The following PRTG variants were observed in gnomAD, a reference collection of about 807,000 sequenced individuals.
PRTG encodes immunoglobulin superfamily, DCC subclass, member 5.
In PRTG, 67 loss-of-function variants were observed where a neutral mutation model predicts 122.5. The observed-to-expected ratio is 0.55, with a 90% CI of 0.45 to 0.67. The LOEUF is 0.67. PRTG is among the 30% of genes least tolerant of loss of function. The pLI, the probability that PRTG is intolerant of heterozygous loss-of-function variation, is 0.00. For missense variants in PRTG, 1,435 were observed against 1,415.4 expected, an observed-to-expected ratio of 1.01 and a Z score of -0.22; for synonymous variants, 554 against 501.1, an observed-to-expected ratio of 1.11 and a Z score of -1.41.
intron 2 of PRTG, among the ~76,000 whole-genome samples, chr15:55,731,438 T>C (rs1182291407): frequency 2.0e-5 from 3 of 148,186 alleles, no homozygotes; most frequent in Non-Finnish European, 3.0e-5. Context: ...CGGCATGCTC[T>C]CGGCTCACTG....
chr15:55,634,452 A>G (rs1434444653), intron 15 of PRTG, among the ~76,000 whole-genome samples: 1 of 152,204 alleles, frequency 6.6e-6, no homozygotes, highest in Non-Finnish European at 1.5e-5. Context: ...ATTAATACTT[A>G]CAACACCTCA....
intron 2 of PRTG, among the ~76,000 whole-genome samples, chr15:55,697,038 A>G (rs1463915942): frequency 6.6e-6 from 1 of 152,198 alleles, no homozygotes; most frequent in Non-Finnish European, 1.5e-5. Context: ...ATAATACCTG[A>G]GAATTTGTTG....
chr15:55,714,995 T>G (rs182931561), intron 2 of PRTG, among the ~76,000 whole-genome samples: 165 of 152,290 alleles, frequency 1.1e-3, no homozygotes, highest in Non-Finnish European at 1.9e-3. Context: ...CTGAATACAA[T>G]CAGAAAATAT....
rs2059146276 is a variant in PRTG at position 55,617,416 on chromosome 15, A to G, written c.*2596T>C. On this transcript the variant is annotated 3_prime_UTR_variant, in exon 20 of 20. Coordinates refer to ENST00000389286, the MANE Select transcript of PRTG (RefSeq NM_173814.6). ...ATAAGGTAGTTAACATTACTAATCT[A>G]TTTAACTACAACAATCAATATAAAC... is the stretch of plus-strand genomic sequence containing the variant. 6.6e-6 allele frequency: 1 copy of G among 152,104 alleles called. No individual in the cohort carries two copies. Among genetic ancestry groups the G allele is most frequent in the Non-Finnish European group, 1.5e-5 (1 of 67,970 alleles). 9.4% of individuals were successfully genotyped at this position (152,104 alleles called of 1,614,324 possible). A position where few individuals can be genotyped will look rare whatever the true frequency, so the allele number is the denominator to read the frequency against.
chr15:55,664,105 T>G (rs2059424635), intron 11 of PRTG, among the ~76,000 whole-genome samples: 1 of 152,150 alleles, frequency 6.6e-6, no homozygotes, highest in African/African-American at 2.4e-5. Context: ...TTGTGTACAG[T>G]TTTTTTGTCT....
rs2031676888 is a variant in PRTG at position 55,743,133 on chromosome 15, A to G, written c.-202T>C. The G allele has an allele frequency of 2.4e-6, 3 of 1,255,280 alleles. No homozygotes were observed. Among genetic ancestry groups the G allele is most frequent in the Non-Finnish European group, 3.0e-6 (3 of 1,003,318 alleles). 77.8% of individuals were successfully genotyped at this position (1,255,280 alleles called of 1,614,324 possible). ...GCTCGCGAGAAGCAAGGGGCCTGAG[A>G]GTCCGGCTGGGGGCGGAGTGAGGCG... On this transcript the variant is annotated 5_prime_UTR_variant, in exon 1 of 20. Transcript: ENST00000389286.
rs371338109 is a variant in PRTG, at chr15:55,622,656, G to T, written c.3093+1686C>A. Reference sequence around the variant, plus strand: ...TCCGCCCGCCTTGGTCTCCCAAAGCGCTGGGATTACAGGCGTGAGCCACCG... The same window carrying T: ...TCCGCCCGCCTTGGTCTCCCAAAGCTCTGGGATTACAGGCGTGAGCCACCG... On this transcript the variant is annotated intron_variant, in intron 18 of 19. Coordinates refer to ENST00000389286, the MANE Select transcript of PRTG (RefSeq NM_173814.6). Among the ~76,000 whole-genome samples, 11 of 151,916 alleles carry T rather than the reference G, an allele frequency of 7.2e-5. No individual in the cohort carries two copies. The East Asian group carries it at 7.8e-4, about 11-fold the overall frequency.
chr15:55,743,132 G>C lies in PRTG; in HGVS notation c.-201C>G, dbSNP rs950892963. ...CGCTCGCGAGAAGCAAGGGGCCTGA[G>C]AGTCCGGCTGGGGGCGGAGTGAGGC... On this transcript the variant is annotated 5_prime_UTR_variant, in exon 1 of 20. Transcript: ENST00000389286. 8.0e-7 allele frequency: 1 copy of C among 1,257,336 alleles called. No homozygotes were observed. The highest frequency in any genetic ancestry group is 1.6e-5 in the African/African-American group (1 of 63,872). 77.9% of individuals were successfully genotyped at this position (1,257,336 alleles called of 1,614,324 possible).
intron 8 of PRTG, 23 bp from the exon 9 acceptor site, chr15:55,675,706 T>C (rs1269790801): frequency 6.9e-7 from 1 of 1,441,154 alleles, no homozygotes. Context: ...ATCCATGTTT[T>C]AAAATGACAG....
chr15:55,742,840 G>A lies in PRTG; in HGVS notation c.92C>T (p.Pro31Leu), dbSNP rs1345916458. ...LLLLLLLSPL[P>L]GVWCFSELSF... is the part of the protein sequence containing the mutation. ...AAAGCAGAAGAAAGCGCGCCCACCTGGCAAAGGACTGAGCAGCAGCAGGAG... is the reference window on the plus strand; with the variant it reads ...AAAGCAGAAGAAAGCGCGCCCACCTAGCAAAGGACTGAGCAGCAGCAGGAG... Residue 31 changes from proline (P) to leucine (L), a missense_variant and splice_region_variant, in exon 1 of 20, where the codon CCA becomes CTA. Pro to Leu is a moderately conservative substitution (Grantham distance 98). Coordinates refer to ENST00000389286, the MANE Select transcript of PRTG (RefSeq NM_173814.6). The A allele has an allele frequency of 1.1e-5, 17 of 1,541,720 alleles. No individual in the cohort carries two copies. The highest frequency in any genetic ancestry group is 1.4e-5 in the Non-Finnish European group (16 of 1,142,556).
At chr15:55,666,049 T>G (rs2059437729) in intron 11 of PRTG, among the ~76,000 whole-genome samples, 1 of 152,030 alleles carries the variant, frequency 6.6e-6, no homozygotes, top group Non-Finnish European at 1.5e-5. Flanking sequence ...TATGGCCCAC[T>G]GTATCAGTCT....
chr15:55,675,507 A>G lies in PRTG; in HGVS notation c.1546+12T>C. ...GTTCATACTGAAATGATCTAGAATCATGTTTTCTTACCATCCTCTAGAGTA... is the reference window on the plus strand; with the variant it reads ...GTTCATACTGAAATGATCTAGAATCGTGTTTTCTTACCATCCTCTAGAGTA... On this transcript the variant is annotated intron_variant, in intron 9 of 19. Coordinates refer to ENST00000389286, the MANE Select transcript of PRTG (RefSeq NM_173814.6). 1.3e-6 allele frequency: 2 copies of G among 1,584,578 alleles called. No homozygotes were observed. The highest frequency in any genetic ancestry group is 1.7e-6 in the Non-Finnish European group (2 of 1,159,428).
At chr15:55,653,743 C>A (rs1481186523) in intron 11 of PRTG, among the ~76,000 whole-genome samples, 1 of 152,196 alleles carries the variant, frequency 6.6e-6, no homozygotes, top group Non-Finnish European at 1.5e-5. Flanking sequence ...GGATTATAGG[C>A]GTCAGCCACT....
intron 2 of PRTG, among the ~76,000 whole-genome samples, chr15:55,714,849 CCT>C (rs1431434193): frequency 3.3e-5 from 5 of 152,196 alleles, no homozygotes; most frequent in African/African-American, 1.2e-4. Flanking sequence ...TCCTTAAAAA[CCT>C]CTGTGTTTAA....
intron 11 of PRTG, among the ~76,000 whole-genome samples, chr15:55,649,617 T>C (rs1389822672): frequency 6.6e-6 from 1 of 152,012 alleles, no homozygotes; most frequent in Non-Finnish European, 1.5e-5. Flanking sequence ...AAACTCCATC[T>C]CTACTAAAAA....
chr15:55,732,867 T>C (rs1567119393), intron 2 of PRTG, among the ~76,000 whole-genome samples: 1 of 152,190 alleles, frequency 6.6e-6, no homozygotes, highest in African/African-American at 2.4e-5. Flanking sequence ...GTCACTCCAA[T>C]TTAGGTAGTA....
intron 2 of PRTG, among the ~76,000 whole-genome samples, chr15:55,723,075 A>G (rs1382596609): frequency 6.6e-6 from 1 of 152,154 alleles, no homozygotes; most frequent in African/African-American, 2.4e-5. Flanking sequence ...ACATTTTACT[A>G]CCAATGTGGT....
chr15:55,646,217 T>C (rs1346609353), intron 11 of PRTG, among the ~76,000 whole-genome samples: 1 of 150,668 alleles, frequency 6.6e-6, no homozygotes, highest in African/African-American at 2.4e-5. Flanking sequence ...TTTCACCATG[T>C]TGGCCAGGAT....
intron 11 of PRTG, among the ~76,000 whole-genome samples, chr15:55,665,085 C>T (rs1253054519): frequency 1.3e-5 from 2 of 151,756 alleles, no homozygotes; most frequent in East Asian, 3.9e-4. Flanking sequence ...GGTGAAACGT[C>T]ATCTCCACTA....
Sources: gnomAD v4.1 joint callset for allele counts (sites outside exome capture counted in the v4.1 genomes callset) on GRCh38, gnomAD v4.1.1 for gene constraint, MANE v1.5 for transcripts, NCBI Gene and HGNC (gene_info 2026-07-23, HGNC 2026-07-21) for gene names.